The following RC3H2 variants were observed in gnomAD, a reference collection of about 807,000 sequenced individuals.
RC3H2 encodes the protein ring finger and CCCH-type domains 2.
RC3H2 carries 31 observed loss-of-function variants against 133.3 expected under a neutral mutation model. That is an observed-to-expected ratio of 0.23 (90% confidence interval 0.17 to 0.31). RC3H2 has a LOEUF of 0.31. RC3H2 is among the 10% of genes least tolerant of loss of function. The pLI, the probability that RC3H2 is intolerant of heterozygous loss-of-function variation, is 1.00. For synonymous variants in RC3H2, 517 were observed against 502.2 expected (o/e 1.03, Z -0.40); for missense variants, 1,175 against 1,437.2 (o/e 0.82, Z 2.95).
Position 122,905,306 on chromosome 9 carries a change from A to G in RC3H2, c.-264T>C. On this transcript the variant is annotated 5_prime_UTR_variant, in exon 1 of 21. Coordinates refer to ENST00000357244, the MANE Select transcript of RC3H2 (RefSeq NM_001100588.3). ...GACGGGGCCTCCTCCTCCTCCCTCC[A>G]CCTCCGCCTCCTCCTCCTCCTCCTC... 8.1e-6 allele frequency: 8 copies of G among 984,178 alleles called. No individual in the cohort carries two copies. Among genetic ancestry groups the G allele is most frequent in the Non-Finnish European group, 9.6e-6 (8 of 829,180 alleles). The allele number at this position is 984,178 out of a possible 1,614,324, so 61.0% of individuals were successfully genotyped here.
chr9:122,889,885 T>C (rs1832085486), intron 4 of RC3H2, among the ~76,000 whole-genome samples: 1 of 152,216 alleles, frequency 6.6e-6, no homozygotes, highest in South Asian at 2.1e-4. Context: ...CTCACGCCTG[T>C]AATCCTAGAA....
intron 1 of RC3H2, among the ~76,000 whole-genome samples, chr9:122,901,827 G>A (rs960775041): frequency 6.6e-6 from 1 of 151,672 alleles, no homozygotes; most frequent in South Asian, 2.1e-4. Flanking sequence ...CTGACCTCGT[G>A]ATCTGCCCAC....
chr9:122,854,745 C>T, intron 15 of RC3H2, 130 bp from the exon 16 acceptor site: 1 of 669,438 alleles, frequency 1.5e-6, no homozygotes, highest in Non-Finnish European at 2.7e-6. Context: ...ACACCTAATT[C>T]TGAGTTTCCC....
chr9:122,854,440 C>A, intron 16 of RC3H2, 91 bp downstream of exon 16: 1 of 1,203,370 alleles, frequency 8.3e-7, no homozygotes, highest in Non-Finnish European at 1.2e-6. Flanking sequence ...ACAAGCAAAG[C>A]ACATTTCATG....
At chr9:122,851,744 C>T (rs934656291) in intron 18 of RC3H2, among the ~76,000 whole-genome samples, 2 of 152,256 alleles carry the variant, frequency 1.3e-5, no homozygotes, top group Non-Finnish European at 2.9e-5. Flanking sequence ...AGTGATCTGC[C>T]AGCCTCGGCC....
chr9:122,881,818 C>T (rs975883481), intron 5 of RC3H2, among the ~76,000 whole-genome samples: 1 of 152,156 alleles, frequency 6.6e-6, no homozygotes, highest in Non-Finnish European at 1.5e-5. Context: ...AACCACTGCA[C>T]AGAGCTGATT....
At chr9:122,862,256 C>A (rs1434189602) in intron 10 of RC3H2, among the ~76,000 whole-genome samples, 1 of 152,114 alleles carries the variant, frequency 6.6e-6, no homozygotes, top group Non-Finnish European at 1.5e-5. Flanking sequence ...ACATTTATCA[C>A]CTCATGAAAT....
chr9:122,855,119 A>T lies in RC3H2; in HGVS notation c.2815+65T>A. The T allele has an allele frequency of 1.7e-5, 13 of 755,726 alleles. No homozygotes were observed. In the East Asian group the frequency reaches 8.0e-4, roughly 47 times the overall value. 46.8% of individuals were successfully genotyped at this position (755,726 alleles called of 1,614,324 possible). On this transcript the variant is annotated intron_variant, in intron 15 of 20. Transcript: ENST00000357244. ...CAGAGTGAGACTCTGTCTCAATTAA[A>T]AAAAAAAAAAAAAAAGGCATAGTGC...
intron 1 of RC3H2, among the ~76,000 whole-genome samples, chr9:122,904,775 A>C (rs954161406): frequency 2.6e-5 from 4 of 151,418 alleles, no homozygotes; most frequent in African/African-American, 7.3e-5. Flanking sequence ...CCTCTTCCAA[A>C]CCCCCTTACT....
rs1476505524 is a variant in RC3H2, at chr9:122,848,358, T to G, written c.*1269A>C. The G allele has an allele frequency of 6.6e-6, 1 of 152,214 alleles. No homozygotes were observed. Among genetic ancestry groups the G allele is most frequent in the African/African-American group, 2.4e-5 (1 of 41,466 alleles). The allele number at this position is 152,214 out of a possible 1,614,324, so 9.4% of individuals were successfully genotyped here. ...AATGCCCAGCTCTTCTTTTCAAATG[T>G]TGACTGAAATTTAGGTTTCAGTACA... On this transcript the variant is annotated 3_prime_UTR_variant, in exon 21 of 21. Coordinates refer to ENST00000357244, the MANE Select transcript of RC3H2 (RefSeq NM_001100588.3).
At chr9:122,870,709 C>A (rs772844371) in intron 9 of RC3H2, among the ~76,000 whole-genome samples, 1 of 152,282 alleles carries the variant, frequency 6.6e-6, no homozygotes, top group South Asian at 2.1e-4. Flanking sequence ...CACCACCATG[C>A]GTAACTCTCC....
At position 122,847,751 on chromosome 9, in the gene RC3H2, C is replaced by T. The variant is rs998651616; in HGVS notation, c.*1876G>A. 5 of 151,862 alleles carry T rather than the reference C, an allele frequency of 3.3e-5. No homozygotes were observed. Among genetic ancestry groups the T allele is most frequent in the African/African-American group, 7.3e-5 (3 of 41,360 alleles). 9.4% of individuals were successfully genotyped at this position (151,862 alleles called of 1,614,324 possible). ...CTTCATAGGGATGGGGAGCACTGGC[C>T]ATGGCAAAAAAGGTACAGTACTAAC... On this transcript the variant is annotated 3_prime_UTR_variant, in exon 21 of 21. Coordinates refer to ENST00000357244, the MANE Select transcript of RC3H2 (RefSeq NM_001100588.3).
intron 9 of RC3H2, chr9:122,874,378 G>A (rs1288879192): frequency 6.6e-6 from 1 of 151,992 alleles, no homozygotes; most frequent in Non-Finnish European, 1.5e-5. Context: ...TGAGATATAG[G>A]AAGATACTGG....
chr9:122,862,335 G>C (rs1033460524), intron 10 of RC3H2, among the ~76,000 whole-genome samples: 1 of 152,184 alleles, frequency 6.6e-6, no homozygotes, highest in Admixed American at 6.5e-5. Context: ...TAGTGAGCAT[G>C]AGATCACTAT....
At position 122,905,297 on chromosome 9, in the gene RC3H2, C is replaced by A. The variant is rs1022188459; in HGVS notation, c.-255G>T. ...GAAGGCCGCGACGGGGCCTCCTCCT[C>A]CTCCCTCCACCTCCGCCTCCTCCTC... On this transcript the variant is annotated 5_prime_UTR_variant, in exon 1 of 21. Transcript: ENST00000357244. The A allele has an allele frequency of 4.1e-6, 4 of 985,418 alleles. No individual in the cohort carries two copies. The highest frequency in any genetic ancestry group is 4.8e-6 in the Non-Finnish European group (4 of 829,880). The allele number at this position is 985,418 out of a possible 1,614,324, so 61.0% of individuals were successfully genotyped here.
intron 16 of RC3H2, 111 bp downstream of exon 16, chr9:122,854,420 A>G: frequency 8.6e-7 from 1 of 1,163,390 alleles, no homozygotes; most frequent in South Asian, 1.3e-5. Context: ...TTTGTTATAT[A>G]GCTCAGACAA....
intron 13 of RC3H2, 42 bp from the exon 14 acceptor site, chr9:122,855,920 T>G (rs765928195): frequency 6.5e-7 from 1 of 1,531,400 alleles, no homozygotes; most frequent in Non-Finnish European, 8.9e-7. Flanking sequence ...GTAAGAAGCT[T>G]AAATTTACAA....
chr9:122,874,184 A>T (rs1049982012), intron 9 of RC3H2: 2 of 152,226 alleles, frequency 1.3e-5, no homozygotes, highest in Non-Finnish European at 2.9e-5. Context: ...AGAGTAAAAG[A>T]AATTTATATA....
intron 9 of RC3H2, among the ~76,000 whole-genome samples, chr9:122,866,445 C>T (rs1369227790): frequency 6.8e-6 from 1 of 147,586 alleles, no homozygotes; most frequent in African/African-American, 2.5e-5. Flanking sequence ...CGGTCTCCCT[C>T]TGATGCCGAG....
Sources: gnomAD v4.1 joint callset for allele counts (sites outside exome capture counted in the v4.1 genomes callset) on GRCh38, gnomAD v4.1.1 for gene constraint, MANE v1.5 for transcripts, NCBI Gene and HGNC (gene_info 2026-07-23, HGNC 2026-07-21) for gene names.